The following ATP9B variants were observed in gnomAD, a reference collection of about 807,000 sequenced individuals.
ATP9B encodes the protein ATPase phospholipid transporting 9B.
ATP9B carries 110 observed loss-of-function variants against 146.1 expected under a neutral mutation model. The ratio of observed to expected loss-of-function variants is 0.75; its 90% confidence interval spans 0.65 to 0.88. The LOEUF is 0.88. ATP9B is among the 40% of genes least tolerant of loss of function. The pLI, the probability that ATP9B is intolerant of heterozygous loss-of-function variation, is 0.00. For missense variants in ATP9B, 1,499 were observed against 1,496.4 expected, an observed-to-expected ratio of 1.00 and a Z score of -0.03; for synonymous variants, 604 against 569.7, an observed-to-expected ratio of 1.06 and a Z score of -0.86.
chr18:79,366,108 C>A (rs1041509980), intron 26 of ATP9B, among the ~76,000 whole-genome samples: 3 of 152,232 alleles, frequency 2.0e-5, no homozygotes, highest in African/African-American at 7.2e-5. Context: ...GGTATTGATT[C>A]TTTTTACCGG....
chr18:79,092,086 A>G (rs935713054), intron 1 of ATP9B, among the ~76,000 whole-genome samples: 4 of 152,138 alleles, frequency 2.6e-5, no homozygotes, highest in Non-Finnish European at 5.9e-5. Context: ...TGTTTGCATT[A>G]TATATAGTCA....
chr18:79,122,637 C>G (rs1001308070), intron 4 of ATP9B, among the ~76,000 whole-genome samples: 1 of 152,112 alleles, frequency 6.6e-6, no homozygotes, highest in African/African-American at 2.4e-5. Context: ...AGTGAAACTG[C>G]TTGTTTAAAT....
intron 7 of ATP9B, among the ~76,000 whole-genome samples, chr18:79,162,903 T>C (rs549422570): frequency 6.6e-6 from 1 of 152,360 alleles, no homozygotes; most frequent in African/African-American, 2.4e-5. Flanking sequence ...TGTCAGTTTC[T>C]TCAGCACACT....
intron 12 of ATP9B, among the ~76,000 whole-genome samples, chr18:79,261,151 T>C (rs967619321): frequency 1.3e-5 from 2 of 152,148 alleles, no homozygotes; most frequent in Admixed American, 1.3e-4. Context: ...GATGCTATAA[T>C]AGGCCGAGAC....
At chr18:79,154,411 G>T in intron 6 of ATP9B, 93 bp from the exon 7 acceptor site, 3 of 838,298 alleles carry the variant, frequency 3.6e-6, no homozygotes, top group Admixed American at 2.8e-5. Context: ...TATTATCTTA[G>T]TTGTTTTCAT....
chr18:79,095,736 A>G (rs1337960499), intron 1 of ATP9B: 2 of 152,180 alleles, frequency 1.3e-5, no homozygotes, highest in Non-Finnish European at 2.9e-5. Flanking sequence ...TCACCATTAT[A>G]GTTTCTGACA....
rs566051889 is a variant in ATP9B, at chr18:79,286,932, G to A, written c.1411+9736G>A. Reference sequence around the variant, plus strand: ...TGCTGGATTACATTTATTGATTTGCGTATATTGAACCAGCCTTGCATCCCA... The same window carrying A: ...TGCTGGATTACATTTATTGATTTGCATATATTGAACCAGCCTTGCATCCCA... On this transcript the variant is annotated intron_variant, in intron 13 of 29. Coordinates refer to ENST00000426216, the MANE Select transcript of ATP9B (RefSeq NM_198531.5). 3.5e-4 allele frequency among the ~76,000 whole-genome samples: 53 copies of A among 152,250 alleles called. No homozygotes were observed. In the South Asian group the frequency reaches 3.9e-3, roughly 11 times the overall value.
intron 11 of ATP9B, among the ~76,000 whole-genome samples, chr18:79,223,959 A>G (rs1011012754): frequency 6.6e-6 from 1 of 152,218 alleles, no homozygotes; most frequent in Non-Finnish European, 1.5e-5. Flanking sequence ...AGGTGCTCCA[A>G]ATAAAAAATG....
Position 79,352,926 on chromosome 18 carries a change from TTCAAC to T in ATP9B, c.2903+4736_2903+4740del, listed in dbSNP as rs1165943568. On this transcript the variant is annotated intron_variant, in intron 25 of 29. Coordinates refer to ENST00000426216, the MANE Select transcript of ATP9B (RefSeq NM_198531.5). The stretch of plus-strand genomic sequence containing the variant: ...GAGTAAAATACTTTCAGTACATATC[TTCAAC>T]TCAACGATCAGACAGACAACTCAGT... 5 of 152,386 alleles carry T rather than the reference TTCAAC, an allele frequency of 3.3e-5. No individual in the cohort carries two copies. The East Asian group carries it at 5.8e-4, about 18-fold the overall frequency. The allele number at this position is 152,386 out of a possible 1,614,324, so 9.4% of individuals were successfully genotyped here.
chr18:79,181,904 T>G (rs1244003024), intron 8 of ATP9B, among the ~76,000 whole-genome samples: 1 of 152,194 alleles, frequency 6.6e-6, no homozygotes, highest in Admixed American at 6.5e-5. Context: ...TCTATTTAAA[T>G]TTTTTGGCCC....
chr18:79,267,299 CT>C (rs2096213105), intron 12 of ATP9B, among the ~76,000 whole-genome samples: 1 of 151,792 alleles, frequency 6.6e-6, no homozygotes. Context: ...GCCCTTTTTG[CT>C]TTCTTTTTTT....
intron 13 of ATP9B, among the ~76,000 whole-genome samples, chr18:79,293,693 A>G (rs2096527649): frequency 6.6e-6 from 1 of 152,220 alleles, no homozygotes; most frequent in Admixed American, 6.5e-5. Context: ...TAGCAACAGA[A>G]AATGGACTAA....
chr18:79,253,186 C>T (rs1489619085), intron 11 of ATP9B, among the ~76,000 whole-genome samples, 195 bp from the exon 12 acceptor site: 2 of 152,180 alleles, frequency 1.3e-5, no homozygotes, highest in Admixed American at 1.3e-4. Flanking sequence ...GTCAGTAGAC[C>T]CTTTCTGGAA....
At chr18:79,200,764 T>TCGGGGTCAGG (rs1568388923) in intron 9 of ATP9B, among the ~76,000 whole-genome samples, 1 of 3,874 alleles carries the variant, frequency 2.6e-4, no homozygotes, top group Non-Finnish European at 6.6e-4. Flanking sequence ...GGTGGGAACG[T>TCGGGGTCAGG]TGGGGTCAGA....
At chr18:79,266,416 C>CT (rs34814139) in intron 12 of ATP9B, among the ~76,000 whole-genome samples, 66,228 of 151,264 alleles carry the variant, frequency 0.44, 14,697 homozygotes, top group Middle Eastern at 0.56. Flanking sequence ...ATAATAACAG[C>CT]TTTTTTTTGT....
chr18:79,153,578 A>T (rs1440354800), intron 6 of ATP9B, among the ~76,000 whole-genome samples: 1 of 152,014 alleles, frequency 6.6e-6, no homozygotes, highest in African/African-American at 2.4e-5. Flanking sequence ...ATAAGGCAAT[A>T]CCTGCTGTGT....
chr18:79,091,809 A>G (rs576467921), intron 1 of ATP9B, among the ~76,000 whole-genome samples: 2 of 152,154 alleles, frequency 1.3e-5, no homozygotes, highest in Non-Finnish European at 2.9e-5. Flanking sequence ...TTCCAGTACT[A>G]TGTCGAGTAA....
chr18:79,354,242 G>A (rs1167710006), intron 25 of ATP9B: 1 of 152,098 alleles, frequency 6.6e-6, no homozygotes, highest in Non-Finnish European at 1.5e-5. Context: ...AACTATGAGA[G>A]TGTGTTCTCA....
chr18:79,128,124 A>T (rs1358386496), intron 5 of ATP9B, among the ~76,000 whole-genome samples: 17 of 138,052 alleles, frequency 1.2e-4, no homozygotes, highest in Non-Finnish European at 1.7e-4. Context: ...CAGTGGCGCA[A>T]CCTCTGCTCA....
Sources: allele counts gnomAD v4.1 joint callset (sites outside exome capture counted in the v4.1 genomes callset), GRCh38; gene constraint gnomAD v4.1.1; transcripts MANE v1.5; gene names NCBI Gene and HGNC (gene_info 2026-07-23, HGNC 2026-07-21).